The following CREB5 variants were observed in gnomAD, a reference collection of about 807,000 sequenced individuals.
CREB5 encodes cyclic AMP-responsive element-binding protein 5.
A neutral mutation model predicts 57.1 loss-of-function variants in CREB5; 19 were observed. The observed-to-expected ratio is 0.33, with a 90% CI of 0.23 to 0.49. The LOEUF (loss-of-function observed/expected upper bound fraction) is 0.49, where lower values mean the gene tolerates loss of function less well. Among genes scored for constraint, CREB5 ranks in the 20% least tolerant of loss-of-function variants. The pLI, the probability that CREB5 is intolerant of heterozygous loss-of-function variation, is 0.99. For missense variants in CREB5, 579 were observed against 671.6 expected (o/e 0.86, Z 1.52); for synonymous variants, 238 against 238.3 (o/e 1.00, Z 0.01).
At chr7:28,390,562 T>C (rs550329927) in intron 1 of CREB5, among the ~76,000 whole-genome samples, 1 of 152,208 alleles carries the variant, frequency 6.6e-6, no homozygotes, top group Admixed American at 6.5e-5. Flanking sequence ...CCTTTATTAC[T>C]TTTAACCGTG....
At chr7:28,330,609 A>G (rs1785698131) in intron 1 of CREB5, among the ~76,000 whole-genome samples, 1 of 147,408 alleles carries the variant, frequency 6.8e-6, no homozygotes, top group African/African-American at 2.5e-5. Flanking sequence ...AAAACAGAAT[A>G]GTGAAAGTGA....
intron 5 of CREB5, among the ~76,000 whole-genome samples, chr7:28,629,552 G>T (rs1421506742): frequency 6.6e-6 from 1 of 152,202 alleles, no homozygotes; most frequent in Non-Finnish European, 1.5e-5. Flanking sequence ...ACAGTCAGGG[G>T]TTGAACAGTT....
At chr7:28,529,144 C>T (rs1793606970) in intron 4 of CREB5, among the ~76,000 whole-genome samples, 1 of 152,220 alleles carries the variant, frequency 6.6e-6, no homozygotes, top group South Asian at 2.1e-4. Flanking sequence ...GTGTCTGTTG[C>T]TTATTCCTGT....
At chr7:28,681,848 C>T (rs369973981) in intron 5 of CREB5, among the ~76,000 whole-genome samples, 3 of 152,214 alleles carry the variant, frequency 2.0e-5, no homozygotes, top group Admixed American at 6.5e-5. Flanking sequence ...GGAGTGTCAA[C>T]GGTCTTTCAG....
chr7:28,507,104 G>A (rs1369546633), intron 3 of CREB5, among the ~76,000 whole-genome samples: 2 of 152,126 alleles, frequency 1.3e-5, no homozygotes, highest in Non-Finnish European at 2.9e-5. Context: ...GAATTGTTAA[G>A]TTTTCTTTCT....
chr7:28,620,169 A>G (rs1166591048), intron 5 of CREB5, among the ~76,000 whole-genome samples: 2 of 152,196 alleles, frequency 1.3e-5, no homozygotes, highest in African/African-American at 4.8e-5. Flanking sequence ...GTCGTCTCAT[A>G]GATTCTTCTA....
intron 4 of CREB5, among the ~76,000 whole-genome samples, chr7:28,525,830 A>G (rs1793424165): frequency 6.6e-6 from 1 of 152,052 alleles, no homozygotes; most frequent in Non-Finnish European, 1.5e-5. Flanking sequence ...CTAACCTAAC[A>G]CTCTAAGCCT....
intron 5 of CREB5, among the ~76,000 whole-genome samples, chr7:28,649,700 A>C (rs1799049723): frequency 6.6e-6 from 1 of 152,170 alleles, no homozygotes; most frequent in South Asian, 2.1e-4. Context: ...TTAGGAATGG[A>C]CCATATCTTA....
chr7:28,651,087 A>G (rs1231653358), intron 5 of CREB5, among the ~76,000 whole-genome samples: 3 of 151,926 alleles, frequency 2.0e-5, no homozygotes, highest in East Asian at 1.9e-4. Context: ...TTTTGTTTTT[A>G]CTATTTTTTT....
chr7:28,560,873 CGCGTGCGTGCGT>C (rs1287731637), intron 4 of CREB5, among the ~76,000 whole-genome samples: 2 of 22,092 alleles, frequency 9.1e-5, no homozygotes, highest in African/African-American at 2.3e-4. Flanking sequence ...TGCCTGCGTG[CGCGTGCGTGCGT>C]GCGTGTGTGT....
chr7:28,551,821 T>TTTTCTTTCTTTCTTTCTTTC (rs10625343), intron 4 of CREB5, among the ~76,000 whole-genome samples: 90 of 147,532 alleles, frequency 6.1e-4, no homozygotes, highest in African/African-American at 2.2e-3. Flanking sequence ...CCTCTATGAT[T>TTTTCTTTCTTTCTTTCTTTC]TTTCTTTCTT....
At chr7:28,787,103 G>A (rs1329162236) in intron 7 of CREB5, among the ~76,000 whole-genome samples, 2 of 152,132 alleles carry the variant, frequency 1.3e-5, no homozygotes, top group Non-Finnish European at 2.9e-5. Flanking sequence ...AAATGAGAAG[G>A]TTGGCAGATC....
chr7:28,421,605 AGG>A (rs1788247865), intron 1 of CREB5, among the ~76,000 whole-genome samples: 1 of 152,060 alleles, frequency 6.6e-6, no homozygotes, highest in Non-Finnish European at 1.5e-5. Flanking sequence ...GCTAAAAGCT[AGG>A]CACGTAACAC....
intron 5 of CREB5, among the ~76,000 whole-genome samples, chr7:28,611,887 T>C (rs1797402830): frequency 1.3e-5 from 2 of 151,900 alleles, no homozygotes; most frequent in Non-Finnish European, 2.9e-5. Flanking sequence ...TTTTACTATA[T>C]GTAAATTATA....
At chr7:28,568,316 C>T (rs1795561328) in intron 4 of CREB5, among the ~76,000 whole-genome samples, 1 of 152,176 alleles carries the variant, frequency 6.6e-6, no homozygotes, top group African/African-American at 2.4e-5. Context: ...AAAAATGGTT[C>T]TGTGCCTTGG....
At chr7:28,757,468 C>T (rs1278147509) in intron 7 of CREB5, among the ~76,000 whole-genome samples, 10 of 152,160 alleles carry the variant, frequency 6.6e-5, no homozygotes, top group Admixed American at 1.3e-4. Context: ...GTCAGGAGAT[C>T]GAGACCATCC....
chr7:28,810,136 A>T (rs1014804483), intron 9 of CREB5, among the ~76,000 whole-genome samples: 7 of 152,096 alleles, frequency 4.6e-5, no homozygotes, highest in African/African-American at 1.7e-4. Flanking sequence ...GAACTCTAGT[A>T]CCCAGGCTTC....
intron 1 of CREB5, among the ~76,000 whole-genome samples, chr7:28,456,768 C>G (rs1426762691): frequency 6.6e-6 from 1 of 152,220 alleles, no homozygotes; most frequent in Non-Finnish European, 1.5e-5. Context: ...TGCATATAGA[C>G]AGACCTCACT....
chr7:28,511,733 G>T (rs1165414821), intron 4 of CREB5, among the ~76,000 whole-genome samples: 4 of 152,184 alleles, frequency 2.6e-5, no homozygotes, highest in African/African-American at 9.7e-5. Context: ...TGATCTGCCC[G>T]CCTCAGCCTC....
Sources: gnomAD v4.1 joint callset for allele counts (sites outside exome capture counted in the v4.1 genomes callset) on GRCh38, gnomAD v4.1.1 for gene constraint, MANE v1.5 for transcripts, NCBI Gene and HGNC (gene_info 2026-07-23, HGNC 2026-07-21) for gene names.